The following GALNT13 variants were observed in gnomAD, a reference collection of about 807,000 sequenced individuals.
The protein encoded by GALNT13 is UDP-GalNAc:polypeptide N-acetylgalactosaminyltransferase 13.
A neutral mutation model predicts 64.2 loss-of-function variants in GALNT13; 28 were observed. That is an observed-to-expected ratio of 0.44 (90% confidence interval 0.32 to 0.60). The LOEUF (loss-of-function observed/expected upper bound fraction) is 0.60, where lower values mean the gene tolerates loss of function less well. GALNT13 is among the 20% of genes least tolerant of loss of function. The pLI, the probability that GALNT13 is intolerant of heterozygous loss-of-function variation, is 0.05. For synonymous variants in GALNT13, 214 were observed against 224.6 expected, an observed-to-expected ratio of 0.95 and a Z score of 0.42; for missense variants, 577 against 669.8, an observed-to-expected ratio of 0.86 and a Z score of 1.53.
chr2:153,167,286 A>G, the GALNT13 span, among the ~76,000 whole-genome samples: 1 of 152,222 alleles, frequency 6.6e-6, no homozygotes, highest in East Asian at 1.9e-4. Context: ...GGGAGTGACC[A>G]TCTGATTTTC....
chr2:154,080,376 A>G (rs1192034206), intron 3 of GALNT13, among the ~76,000 whole-genome samples: 1 of 151,672 alleles, frequency 6.6e-6, no homozygotes, highest in Non-Finnish European at 1.5e-5. Flanking sequence ...GAGTGGAAGT[A>G]TTTTCTTTAA....
chr2:153,546,941 C>A, the GALNT13 span, among the ~76,000 whole-genome samples: 1 of 152,012 alleles, frequency 6.6e-6, no homozygotes, highest in African/African-American at 2.4e-5. Context: ...TGAATTTATT[C>A]TTTGTTTTCC....
chr2:153,853,144 A>C, the GALNT13 span, among the ~76,000 whole-genome samples: 1 of 152,160 alleles, frequency 6.6e-6, no homozygotes, highest in Non-Finnish European at 1.5e-5. Context: ...CTAGCACGAG[A>C]GAATGATGGA....
At chr2:153,403,298 G>T in the GALNT13 span, among the ~76,000 whole-genome samples, 1 of 151,732 alleles carries the variant, frequency 6.6e-6, no homozygotes, top group Admixed American at 6.6e-5. Flanking sequence ...CAGATCTCCA[G>T]CTGCGTGCTG....
the GALNT13 span, among the ~76,000 whole-genome samples, chr2:153,817,961 CAA>C: frequency 2.9e-4 from 44 of 151,948 alleles, no homozygotes; most frequent in African/African-American, 9.4e-4. Flanking sequence ...GGAAAGGAAA[CAA>C]AGAGTTTGAG....
intron 3 of GALNT13, among the ~76,000 whole-genome samples, chr2:153,948,971 G>T (rs1380688632): frequency 6.7e-6 from 1 of 148,974 alleles, no homozygotes; most frequent in Admixed American, 6.7e-5. Flanking sequence ...GAACAAACCT[G>T]CACATGTGCC....
intron 4 of GALNT13, among the ~76,000 whole-genome samples, chr2:154,154,034 G>A (rs1394351409): frequency 6.6e-6 from 1 of 152,204 alleles, no homozygotes; most frequent in African/African-American, 2.4e-5. Flanking sequence ...TGCTCACGCT[G>A]GGAGCTGTAG....
At chr2:153,765,624 C>T in the GALNT13 span, among the ~76,000 whole-genome samples, 1 of 152,016 alleles carries the variant, frequency 6.6e-6, no homozygotes, top group Admixed American at 6.6e-5. Flanking sequence ...TGAGATAAGA[C>T]TTTGGGGGAC....
chr2:153,179,023 G>A, the GALNT13 span, among the ~76,000 whole-genome samples: 217 of 151,972 alleles, frequency 1.4e-3, 1 homozygote, highest in African/African-American at 4.0e-3. Context: ...GATTACAGGC[G>A]TCAGCCACCG....
At chr2:153,265,365 A>G in the GALNT13 span, among the ~76,000 whole-genome samples, 1 of 152,078 alleles carries the variant, frequency 6.6e-6, no homozygotes, top group South Asian at 2.1e-4. Flanking sequence ...GGAATGGACA[A>G]TTTGCCTCTG....
At chr2:153,310,431 A>G in the GALNT13 span, among the ~76,000 whole-genome samples, 1 of 152,056 alleles carries the variant, frequency 6.6e-6, no homozygotes, top group African/African-American at 2.4e-5. Flanking sequence ...ACTTTTCCCC[A>G]TATTTTGCCA....
the GALNT13 span, among the ~76,000 whole-genome samples, chr2:153,453,770 A>G: frequency 6.6e-6 from 1 of 152,162 alleles, no homozygotes; most frequent in Non-Finnish European, 1.5e-5. Context: ...TACTAGGTGT[A>G]TAGCCAAAAT....
the GALNT13 span, among the ~76,000 whole-genome samples, chr2:153,538,453 C>T: frequency 7.9e-5 from 10 of 126,022 alleles, no homozygotes; most frequent in African/African-American, 3.1e-4. Flanking sequence ...AGGTTAGTTA[C>T]ATATGTATAC....
the GALNT13 span, among the ~76,000 whole-genome samples, chr2:153,651,981 G>A: frequency 2.6e-5 from 4 of 152,060 alleles, no homozygotes; most frequent in African/African-American, 4.8e-5. Flanking sequence ...TAAGCTTCCC[G>A]GGTACTATCT....
At chr2:154,298,477 TA>T (rs1193131284) in intron 8 of GALNT13, among the ~76,000 whole-genome samples, 14 of 133,352 alleles carry the variant, frequency 1.0e-4, no homozygotes, top group South Asian at 2.2e-4. Context: ...AAATTATATA[TA>T]AATTATATAT....
intron 3 of GALNT13, among the ~76,000 whole-genome samples, chr2:154,069,820 C>A (rs1351016901): frequency 1.3e-5 from 2 of 151,912 alleles, no homozygotes; most frequent in Non-Finnish European, 2.9e-5. Flanking sequence ...TCCATATATA[C>A]AAATTAACTT....
chr2:153,508,383 T>C, the GALNT13 span, among the ~76,000 whole-genome samples: 1 of 152,156 alleles, frequency 6.6e-6, no homozygotes, highest in Non-Finnish European at 1.5e-5. Context: ...TGGGGCTTGC[T>C]GCAGCTGCTA....
intron 9 of GALNT13, among the ~76,000 whole-genome samples, chr2:154,393,516 G>C (rs13010961): frequency 0.16 from 24,860 of 152,086 alleles, 2,308 homozygotes; most frequent in Non-Finnish European, 0.21. Context: ...TCACTTCTAA[G>C]AAGAAAAACA....
At chr2:153,562,060 C>CTCTCTCTGTG in the GALNT13 span, among the ~76,000 whole-genome samples, 5 of 118,960 alleles carry the variant, frequency 4.2e-5, no homozygotes, top group African/African-American at 1.9e-4. Context: ...CTCTCTCTCT[C>CTCTCTCTGTG]TGTGTGTGTG....
Sources: allele counts gnomAD v4.1 joint callset (sites outside exome capture counted in the v4.1 genomes callset), GRCh38; gene constraint gnomAD v4.1.1; transcripts MANE v1.5; gene names NCBI Gene and HGNC (gene_info 2026-07-23, HGNC 2026-07-21).